Variants in OR2L13 observed in about 807,000 individuals in gnomAD.
The protein encoded by OR2L13 is olfactory receptor 2L13.
OR2L13 carries 14 observed loss-of-function variants against 15.3 expected under a neutral mutation model. The observed-to-expected ratio is 0.91, with a 90% CI of 0.60 to 1.43. The LOEUF (loss-of-function observed/expected upper bound fraction) is 1.43. Among genes scored for constraint, OR2L13 ranks in the 40% most tolerant of loss-of-function variants. The pLI is 0.00. For synonymous variants in OR2L13, 152 were observed against 142.9 expected (o/e 1.06, Z -0.45); for missense variants, 367 against 387.9 (o/e 0.95, Z 0.45).
the OR2L13 span, among the ~76,000 whole-genome samples, chr1:247,972,682 A>G: frequency 2.0e-5 from 3 of 152,224 alleles, no homozygotes; most frequent in Non-Finnish European, 4.4e-5. Context: ...TTCACAGCCA[A>G]ATTCAACCAG....
the OR2L13 span, among the ~76,000 whole-genome samples, chr1:248,034,123 A>G: frequency 6.6e-6 from 1 of 152,238 alleles, no homozygotes; most frequent in African/African-American, 2.4e-5. Flanking sequence ...GAACTCTATA[A>G]GGAAAACTAC....
the OR2L13 span, among the ~76,000 whole-genome samples, chr1:248,020,332 G>C: frequency 6.6e-6 from 1 of 152,190 alleles, no homozygotes; most frequent in Admixed American, 6.5e-5. Flanking sequence ...AAACCCTAAA[G>C]ACTCCTCCAG....
At chr1:247,984,088 A>T in the OR2L13 span, among the ~76,000 whole-genome samples, 1 of 152,168 alleles carries the variant, frequency 6.6e-6, no homozygotes, top group African/African-American at 2.4e-5. Context: ...ATTTGCTTCA[A>T]GGTTCCGTCT....
At chr1:248,094,658 T>C (rs1276370842), upstream of OR2L13, among the ~76,000 whole-genome samples, 1 of 152,214 alleles carries the variant, frequency 6.6e-6, no homozygotes, top group African/African-American at 2.4e-5. Context: ...GCTAAATGGA[T>C]ATATATTGTC....
At chr1:248,029,955 C>T in the OR2L13 span, 1 of 152,180 alleles carries the variant, frequency 6.6e-6, no homozygotes, top group South Asian at 2.1e-4. Context: ...GTGACTCAAC[C>T]TAGAATGTCC....
chr1:247,999,358 GTATC>G, the OR2L13 span, among the ~76,000 whole-genome samples: 2 of 152,056 alleles, frequency 1.3e-5, no homozygotes, highest in Non-Finnish European at 2.9e-5. Context: ...ACTTACTGGT[GTATC>G]TATCTGTGAG....
At chr1:248,026,641 A>T in the OR2L13 span, among the ~76,000 whole-genome samples, 1 of 152,196 alleles carries the variant, frequency 6.6e-6, no homozygotes, top group African/African-American at 2.4e-5. Context: ...ATGGCAGAAG[A>T]ACATAAATTG....
chr1:248,038,208 G>T, the OR2L13 span: 3 of 1,231,408 alleles, frequency 2.4e-6, no homozygotes, highest in South Asian at 4.2e-5. Flanking sequence ...GGATAAAAGT[G>T]AATTACTGTT....
chr1:247,970,768 T>A, the OR2L13 span, among the ~76,000 whole-genome samples: 2 of 152,186 alleles, frequency 1.3e-5, no homozygotes, highest in African/African-American at 4.8e-5. Context: ...ACTTTATTTA[T>A]TCAGATCCAT....
At chr1:248,031,148 T>G in the OR2L13 span, among the ~76,000 whole-genome samples, 1 of 152,322 alleles carries the variant, frequency 6.6e-6, no homozygotes, top group East Asian at 1.9e-4. Context: ...CTCTTCACAT[T>G]ACTGAAACAG....
chr1:248,022,127 C>T, the OR2L13 span: 1,397 of 1,613,964 alleles, frequency 8.7e-4, 18 homozygotes, highest in African/African-American at 0.012. Context: ...CCATGTATTT[C>T]CTGCTTAGTC....
chr1:247,984,244 T>A, the OR2L13 span, among the ~76,000 whole-genome samples: 1 of 150,962 alleles, frequency 6.6e-6, no homozygotes, highest in East Asian at 1.9e-4. Context: ...TTATTATTAT[T>A]ATTATTATTA....
the OR2L13 span, chr1:248,038,719 G>A: frequency 6.2e-7 from 1 of 1,614,064 alleles, no homozygotes; most frequent in Admixed American, 1.7e-5. Flanking sequence ...TGGATGATAA[G>A]CTCTATCAAC....
chr1:248,095,332 G>A (rs376255688), upstream of OR2L13: 1 of 152,066 alleles, frequency 6.6e-6, no homozygotes, highest in African/African-American at 2.4e-5. Flanking sequence ...TGGTGAAGTT[G>A]TTTTCTGATT....
chr1:247,972,655 AC>A, the OR2L13 span, among the ~76,000 whole-genome samples: 18 of 142,074 alleles, frequency 1.3e-4, no homozygotes, highest in Admixed American at 7.8e-4. Context: ...AACAAAAAAA[AC>A]CCAGGACCAG....
At chr1:247,967,045 CCACA>C in the OR2L13 span, among the ~76,000 whole-genome samples, 6 of 147,510 alleles carry the variant, frequency 4.1e-5, no homozygotes, top group Admixed American at 2.0e-4. Flanking sequence ...ACACCACACA[CCACA>C]CACACACACA....
At chr1:247,939,058 C>T in the OR2L13 span, 1 of 152,120 alleles carries the variant, frequency 6.6e-6, no homozygotes, top group Admixed American at 6.5e-5. Flanking sequence ...ATTAATTAGA[C>T]AAAATAAGGT....
chr1:247,981,869 G>A, the OR2L13 span, among the ~76,000 whole-genome samples: 1 of 151,136 alleles, frequency 6.6e-6, no homozygotes, highest in Non-Finnish European at 1.5e-5. Flanking sequence ...AGGCTGGAGT[G>A]CAGTGGTGTG....
At chr1:248,100,400 C>A in exon 3 of OR2L13, 1 of 627,334 alleles carries the variant, frequency 1.6e-6, no homozygotes, top group Non-Finnish European at 2.6e-6. Flanking sequence ...AGAAATACAA[C>A]ATAATTTAAA....
Sources: gnomAD v4.1 joint callset for allele counts (sites outside exome capture counted in the v4.1 genomes callset) on GRCh38, gnomAD v4.1.1 for gene constraint, MANE v1.5 for transcripts, NCBI Gene and HGNC (gene_info 2026-07-23, HGNC 2026-07-21) for gene names.